PLXNC1: variants seen among roughly 807,000 people sequenced by gnomAD.
PLXNC1 encodes plexin C1.
A neutral mutation model predicts 178.2 loss-of-function variants in PLXNC1; 75 were observed. The ratio of observed to expected loss-of-function variants is 0.42; its 90% confidence interval spans 0.35 to 0.51. PLXNC1 has a LOEUF of 0.51. Ranked by LOEUF, PLXNC1 falls within the 20% of genes least tolerant of loss-of-function variation. The pLI, the probability that PLXNC1 is intolerant of heterozygous loss-of-function variation, is 0.02. For synonymous variants in PLXNC1, 790 were observed against 779.9 expected, an observed-to-expected ratio of 1.01 and a Z score of -0.22; for missense variants, 1,503 against 1,984.4, an observed-to-expected ratio of 0.76 and a Z score of 4.61.
intron 21 of PLXNC1, among the ~76,000 whole-genome samples, chr12:94,278,793 T>C (rs886206961): frequency 6.6e-6 from 1 of 152,080 alleles, no homozygotes; most frequent in African/African-American, 2.4e-5. Flanking sequence ...GTCAGGACTT[T>C]GAGACCAGCC....
intron 23 of PLXNC1, 84 bp from the exon 24 acceptor site, chr12:94,294,402 T>C: frequency 1.5e-6 from 1 of 650,018 alleles, no homozygotes. Flanking sequence ...GCATGTAAGA[T>C]CCATCCAGCC....
intron 5 of PLXNC1, among the ~76,000 whole-genome samples, chr12:94,217,334 A>G (rs1190470220): frequency 6.6e-6 from 1 of 152,120 alleles, no homozygotes; most frequent in Non-Finnish European, 1.5e-5. Context: ...TATTGGAGCC[A>G]TTTAAGGCCC....
intron 9 of PLXNC1, among the ~76,000 whole-genome samples, chr12:94,228,208 T>C (rs1019260086): frequency 6.6e-6 from 1 of 152,222 alleles, no homozygotes; most frequent in Non-Finnish European, 1.5e-5. Flanking sequence ...TTAAAGGCAT[T>C]AGAAAAGCTT....
chr12:94,187,174 AAGAG>A (rs755091519), intron 4 of PLXNC1, among the ~76,000 whole-genome samples: 1 of 105,798 alleles, frequency 9.5e-6, no homozygotes, highest in Non-Finnish European at 2.2e-5. Flanking sequence ...TCAGGCAGGA[AAGAG>A]AGAGAGAGAG....
intron 4 of PLXNC1, among the ~76,000 whole-genome samples, chr12:94,206,683 G>A (rs932046883): frequency 6.6e-6 from 1 of 152,170 alleles, no homozygotes; most frequent in South Asian, 2.1e-4. Context: ...GTAGAGGATG[G>A]AGCAAAAGTA....
chr12:94,283,831 C>T (rs1343426851), intron 23 of PLXNC1, among the ~76,000 whole-genome samples: 2 of 152,180 alleles, frequency 1.3e-5, no homozygotes, highest in Non-Finnish European at 2.9e-5. Context: ...CGCCTGTAAT[C>T]CCAGCACTTC....
intron 1 of PLXNC1, among the ~76,000 whole-genome samples, 169 bp downstream of exon 1, chr12:94,150,202 C>T (rs966261035): frequency 5.9e-5 from 9 of 152,148 alleles, no homozygotes; most frequent in Admixed American, 3.3e-4. Flanking sequence ...TCCTCTCGGA[C>T]GGTCCCCGAG....
rs545528354 is a variant in PLXNC1, at chr12:94,247,411, CA to C, written c.2389-490del. 2.5e-3 allele frequency among the ~76,000 whole-genome samples: 385 copies of C among 152,314 alleles called. 3 individuals are homozygous for C. The highest frequency in any genetic ancestry group is 8.9e-3 in the African/African-American group (369 of 41,566). On this transcript the variant is annotated intron_variant, in intron 12 of 30. Transcript: ENST00000258526. ...GCTAAGGCCCTGCAGGAGGTTCCCC[CA>C]ACAAAGGGTGATTCAGCTGCAACAA...
chr12:94,270,460 TCCTC>T (rs1044557791), intron 21 of PLXNC1, among the ~76,000 whole-genome samples: 2 of 152,088 alleles, frequency 1.3e-5, no homozygotes, highest in African/African-American at 2.4e-5. Context: ...GGAACCAGAA[TCCTC>T]CCTCCCACAA....
intron 4 of PLXNC1, among the ~76,000 whole-genome samples, chr12:94,207,605 C>A (rs781108291): frequency 4.6e-5 from 7 of 152,192 alleles, no homozygotes; most frequent in Admixed American, 4.6e-4. Context: ...ATATTAAAGA[C>A]CTTCTCCCTT....
intron 4 of PLXNC1, among the ~76,000 whole-genome samples, chr12:94,193,871 T>G (rs1675446602): frequency 6.6e-6 from 1 of 152,132 alleles, no homozygotes; most frequent in Non-Finnish European, 1.5e-5. Context: ...GGGGGTGGAC[T>G]TCCACACTGG....
intron 21 of PLXNC1, chr12:94,277,674 A>C: frequency 3.1e-6 from 1 of 324,006 alleles, no homozygotes; most frequent in Non-Finnish European, 6.0e-6. Context: ...TTATTCAGAG[A>C]TACTGAGCAT....
chr12:94,202,179 C>G (rs1963151707), intron 4 of PLXNC1, among the ~76,000 whole-genome samples: 2 of 152,138 alleles, frequency 1.3e-5, no homozygotes, highest in South Asian at 4.1e-4. Flanking sequence ...TTGGTTTCTG[C>G]AGAAGACGTA....
At chr12:94,222,487 C>T (rs969272804) in intron 6 of PLXNC1, among the ~76,000 whole-genome samples, 11 of 152,170 alleles carry the variant, frequency 7.2e-5, no homozygotes, top group Admixed American at 2.6e-4. Flanking sequence ...TCTGCTCTGA[C>T]TTTCTCAGCC....
chr12:94,263,871 C>T (rs890527444), intron 20 of PLXNC1, among the ~76,000 whole-genome samples: 1 of 152,042 alleles, frequency 6.6e-6, no homozygotes, highest in African/African-American at 2.4e-5. Context: ...GCAGATATTC[C>T]TGCAGCAAGT....
At chr12:94,298,035 A>G (rs907883821) in intron 26 of PLXNC1, among the ~76,000 whole-genome samples, 30 of 152,194 alleles carry the variant, frequency 2.0e-4, no homozygotes, top group Non-Finnish European at 4.0e-4. Flanking sequence ...ACTTGGCCCC[A>G]GGAACTTGAT....
intron 2 of PLXNC1, among the ~76,000 whole-genome samples, chr12:94,174,522 G>A (rs868769014): frequency 1.3e-5 from 2 of 152,104 alleles, no homozygotes; most frequent in Non-Finnish European, 2.9e-5. Flanking sequence ...AAATTAAACC[G>A]GTTCCAAAAA....
chr12:94,208,039 C>T (rs946893254), intron 4 of PLXNC1, among the ~76,000 whole-genome samples: 1 of 152,154 alleles, frequency 6.6e-6, no homozygotes, highest in Non-Finnish European at 1.5e-5. Context: ...GAACCAGCTT[C>T]GTCATTCTGT....
chr12:94,228,287 C>G (rs978844946), intron 9 of PLXNC1, among the ~76,000 whole-genome samples: 1 of 152,158 alleles, frequency 6.6e-6, no homozygotes, highest in African/African-American at 2.4e-5. Context: ...CTTTTCTCAT[C>G]CCATTGGTTT....
Sources: gnomAD v4.1 joint callset for allele counts (sites outside exome capture counted in the v4.1 genomes callset) on GRCh38, gnomAD v4.1.1 for gene constraint, MANE v1.5 for transcripts, NCBI Gene and HGNC (gene_info 2026-07-23, HGNC 2026-07-21) for gene names.